Variants in SEPTIN11 observed in about 807,000 individuals in gnomAD.
SEPTIN11 encodes septin-11.
SEPTIN11 carries 25 observed loss-of-function variants against 51.4 expected under a neutral mutation model. That is an observed-to-expected ratio of 0.49 (90% CI 0.35 to 0.68). The LOEUF (loss-of-function observed/expected upper bound fraction) is 0.68, where lower values mean the gene tolerates loss of function less well. Among genes scored for constraint, SEPTIN11 ranks in the 30% least tolerant of loss-of-function variants. The pLI is 0.00. For missense variants in SEPTIN11, 381 were observed against 520.8 expected (o/e 0.73, Z 2.61); for synonymous variants, 174 against 184.1 (o/e 0.95, Z 0.44).
chr4:77,039,069 G>A, downstream of SEPTIN11: 1 of 1,288,188 alleles, frequency 7.8e-7, no homozygotes, highest in Non-Finnish European at 1.0e-6. Context: ...TTTCTCTTCT[G>A]TAGCTTCTTC....
intron 1 of SEPTIN11, among the ~76,000 whole-genome samples, chr4:76,953,041 A>C (rs1721411251): frequency 6.6e-6 from 1 of 152,228 alleles, no homozygotes; most frequent in South Asian, 2.1e-4. Context: ...CCCAGTGCAG[A>C]AATATTTCTT....
intron 1 of SEPTIN11, among the ~76,000 whole-genome samples, chr4:76,989,838 T>C (rs1723259379): frequency 6.6e-6 from 1 of 152,212 alleles, no homozygotes; most frequent in Admixed American, 6.5e-5. Context: ...ATATCCTAAG[T>C]GTCTAGTAGG....
chr4:76,978,567 C>T (rs1298724291), intron 1 of SEPTIN11, among the ~76,000 whole-genome samples: 2 of 152,198 alleles, frequency 1.3e-5, no homozygotes, highest in Non-Finnish European at 2.9e-5. Flanking sequence ...CTACCACTTA[C>T]TTGCTGCACA....
At position 77,034,619 on chromosome 4, in the gene SEPTIN11, C is replaced by A; in HGVS notation, c.*107C>A. 1 of 1,385,160 alleles carries A rather than the reference C, an allele frequency of 7.2e-7. No homozygotes were observed. Among genetic ancestry groups the A allele is most frequent in the Non-Finnish European group, 9.4e-7 (1 of 1,069,040 alleles). 85.8% of individuals were successfully genotyped at this position (1,385,160 alleles called of 1,614,324 possible). On this transcript the variant is annotated 3_prime_UTR_variant, in exon 10 of 10. Coordinates refer to ENST00000264893, the MANE Select transcript of SEPTIN11 (RefSeq NM_018243.4). ...TATTTTATTTTATTTTATTTTTTTACCCTTCCTCAAACACCAGTAACTATT... is the reference window on the plus strand; with the variant it reads ...TATTTTATTTTATTTTATTTTTTTAACCTTCCTCAAACACCAGTAACTATT...
At chr4:77,016,517 ATT>A (rs1361895582) in intron 5 of SEPTIN11, among the ~76,000 whole-genome samples, 2 of 145,342 alleles carry the variant, frequency 1.4e-5, no homozygotes, top group Non-Finnish European at 3.0e-5. Flanking sequence ...ATATATATAT[ATT>A]TTGTATTATT....
intron 9 of SEPTIN11, among the ~76,000 whole-genome samples, chr4:77,033,400 C>T (rs1486544612): frequency 6.6e-6 from 1 of 152,246 alleles, no homozygotes; most frequent in Non-Finnish European, 1.5e-5. Context: ...CCAAGCCTAA[C>T]TTAGTTTTTC....
chr4:76,966,732 C>T (rs955210454), intron 1 of SEPTIN11, among the ~76,000 whole-genome samples: 10 of 151,706 alleles, frequency 6.6e-5, no homozygotes, highest in East Asian at 3.9e-4. Flanking sequence ...GAGGTGGTGG[C>T]GCTCACCTGT....
intron 1 of SEPTIN11, among the ~76,000 whole-genome samples, chr4:76,969,532 A>G (rs1722158180): frequency 6.6e-6 from 1 of 152,222 alleles, no homozygotes. Flanking sequence ...CAGGCCCCTA[A>G]CTAAATAAAA....
chr4:76,965,226 G>A (rs188856837), intron 1 of SEPTIN11, among the ~76,000 whole-genome samples: 60 of 152,046 alleles, frequency 3.9e-4, no homozygotes, highest in African/African-American at 1.1e-3. Flanking sequence ...CAAGGCAGGC[G>A]GATCACCTGA....
intron 2 of SEPTIN11, among the ~76,000 whole-genome samples, chr4:76,997,621 C>A (rs1446285187): frequency 6.6e-6 from 1 of 152,156 alleles, no homozygotes; most frequent in African/African-American, 2.4e-5. Flanking sequence ...AAGAGAAAGA[C>A]TGGAGAGAAC....
chr4:77,038,619 G>T (rs1368473269), downstream of SEPTIN11: 1 of 995,046 alleles, frequency 1.0e-6, no homozygotes, highest in African/African-American at 1.7e-5. Context: ...AACATTATTT[G>T]TGTGCCCTTT....
chr4:77,016,621 TATATATATACAC>T (rs1275681107), intron 5 of SEPTIN11, among the ~76,000 whole-genome samples: 23 of 86,636 alleles, frequency 2.7e-4, no homozygotes, highest in African/African-American at 9.8e-4. Flanking sequence ...TACACATATA[TATATATATACAC>T]ATATATATAT....
At chr4:77,031,284 TG>T (rs1726610455) in intron 9 of SEPTIN11, 1 of 228,544 alleles carries the variant, frequency 4.4e-6, no homozygotes, top group African/African-American at 2.3e-5. Context: ...CAGCACCCTC[TG>T]AAGACAATTC....
intron 1 of SEPTIN11, among the ~76,000 whole-genome samples, chr4:76,958,012 G>A (rs1158198510): frequency 1.3e-5 from 2 of 152,130 alleles, no homozygotes; most frequent in Non-Finnish European, 2.9e-5. Context: ...CCACATTCTT[G>A]CATTCTTAGT....
Position 77,028,739 on chromosome 4 carries a change from A to T in SEPTIN11, c.1064A>T (p.Glu355Val). ...FVMRVKEKEA[E>V]LKEAEKELHE... is the part of the protein sequence containing the mutation. ...ATGAGAGTGAAGGAGAAAGAAGCTG[A>T]ACTTAAGGAGGCAGAGAAAGAGGTA... Residue 355 changes from glutamate (E) to valine (V), a missense_variant, in exon 8 of 10, where the codon GAA (glutamate) becomes GTA (valine). Glu to Val is a moderately radical substitution (Grantham distance 121). Coordinates refer to ENST00000264893, the MANE Select transcript of SEPTIN11 (RefSeq NM_018243.4). 1 of 1,613,086 alleles carries T rather than the reference A, an allele frequency of 6.2e-7. No individual in the cohort carries two copies. The highest frequency in any genetic ancestry group is 2.2e-5 in the East Asian group (1 of 44,848).
downstream of SEPTIN11, chr4:77,039,846 A>G: frequency 9.5e-6 from 6 of 629,744 alleles, no homozygotes; most frequent in Non-Finnish European, 1.2e-5. Context: ...CATCCCTTAT[A>G]TAAGTTGTTT....
downstream of SEPTIN11, chr4:77,038,959 A>G: frequency 3.0e-6 from 2 of 674,510 alleles, no homozygotes; most frequent in Non-Finnish European, 4.6e-6. Flanking sequence ...AAGTCACCCC[A>G]TTAACTGACA....
chr4:76,966,081 T>C (rs1379456633), intron 1 of SEPTIN11, among the ~76,000 whole-genome samples: 4 of 152,246 alleles, frequency 2.6e-5, no homozygotes, highest in African/African-American at 7.2e-5. Context: ...TTGTTAACTA[T>C]GTTCCTGGGA....
intron 1 of SEPTIN11, among the ~76,000 whole-genome samples, chr4:76,980,579 C>T (rs116078951): frequency 2.5e-3 from 373 of 152,242 alleles, no homozygotes; most frequent in African/African-American, 8.8e-3. Flanking sequence ...CTCTGTGTAG[C>T]CATGATTACA....
Sources: allele counts gnomAD v4.1 joint callset (sites outside exome capture counted in the v4.1 genomes callset), GRCh38; gene constraint gnomAD v4.1.1; transcripts MANE v1.5; gene names NCBI Gene and HGNC (gene_info 2026-07-23, HGNC 2026-07-21).